ANKS1B: variants seen among roughly 807,000 people sequenced by gnomAD.
ANKS1B encodes the protein ankyrin repeat and sterile alpha motif domain containing 1B.
ANKS1B carries 36 observed loss-of-function variants against 148.3 expected under a neutral mutation model. The ratio of observed to expected loss-of-function variants is 0.24; its 90% confidence interval spans 0.19 to 0.32. The LOEUF is 0.32. Among genes scored for constraint, ANKS1B ranks in the 10% least tolerant of loss-of-function variants. The pLI, the probability that ANKS1B is intolerant of heterozygous loss-of-function variation, is 1.00. For missense variants in ANKS1B, 1,157 were observed against 1,542.6 expected (o/e 0.75, Z 4.19); for synonymous variants, 542 against 560.8 (o/e 0.97, Z 0.47).
At chr12:99,209,335 T>C (rs556944176) in intron 14 of ANKS1B, among the ~76,000 whole-genome samples, 1 of 152,316 alleles carries the variant, frequency 6.6e-6, no homozygotes, top group East Asian at 1.9e-4. Context: ...TTTGTAACAA[T>C]GAGGGTGACT....
intron 11 of ANKS1B, among the ~76,000 whole-genome samples, chr12:99,410,221 C>A (rs1189969550): frequency 6.6e-6 from 1 of 152,178 alleles, no homozygotes; most frequent in African/African-American, 2.4e-5. Context: ...GGAGACATAG[C>A]CATGTCCATT....
chr12:99,686,518 G>C (rs1330391938), intron 8 of ANKS1B, among the ~76,000 whole-genome samples: 1 of 152,086 alleles, frequency 6.6e-6, no homozygotes, highest in African/African-American at 2.4e-5. Context: ...TCCTGAATTG[G>C]TCTTTGTTCA....
At chr12:99,390,188 G>A (rs1407831119) in intron 12 of ANKS1B, among the ~76,000 whole-genome samples, 4 of 152,170 alleles carry the variant, frequency 2.6e-5, no homozygotes, top group African/African-American at 9.7e-5. Context: ...AGCATATGTT[G>A]TGTTTATGTA....
chr12:98,794,007 C>T (rs963321985), intron 22 of ANKS1B, among the ~76,000 whole-genome samples: 37 of 152,026 alleles, frequency 2.4e-4, no homozygotes, highest in African/African-American at 8.9e-4. Context: ...TTATTCATAC[C>T]AACATAACAA....
intron 19 of ANKS1B, among the ~76,000 whole-genome samples, chr12:98,817,605 T>C (rs1203220695): frequency 6.6e-6 from 1 of 152,216 alleles, no homozygotes; most frequent in Non-Finnish European, 1.5e-5. Context: ...CTCAGTCCTG[T>C]AACAACTGCA....
intron 15 of ANKS1B, among the ~76,000 whole-genome samples, chr12:99,133,521 A>C (rs540867433): frequency 6.6e-6 from 1 of 152,256 alleles, no homozygotes; most frequent in South Asian, 2.1e-4. Context: ...CAGCCACAAT[A>C]TTGTTGGCAT....
rs564479369 is a variant in ANKS1B, at chr12:99,590,791, T to C, written c.1272+64276A>G. On this transcript the variant is annotated intron_variant, in intron 9 of 26. Coordinates refer to ENST00000683438, the MANE Select transcript of ANKS1B (RefSeq NM_001352186.2). Reference sequence around the variant, plus strand: ...TTCCGAATAAGGGTTTGTAGGCAATTTCTTTTTCAAATTTACTTCAGTGAA... The same window carrying C: ...TTCCGAATAAGGGTTTGTAGGCAATCTCTTTTTCAAATTTACTTCAGTGAA... 8.5e-5 allele frequency among the ~76,000 whole-genome samples: 13 copies of C among 152,314 alleles called. No homozygotes were observed. The East Asian group carries it at 2.5e-3, about 29-fold the overall frequency.
intron 17 of ANKS1B, among the ~76,000 whole-genome samples, chr12:98,929,627 AG>A (rs956067565): frequency 2.0e-5 from 3 of 148,730 alleles, no homozygotes; most frequent in Non-Finnish European, 4.6e-5. Flanking sequence ...TATTTTCAGT[AG>A]TTCAGTAGCA....
At chr12:98,874,026 T>TAGA (rs1451370858) in intron 17 of ANKS1B, among the ~76,000 whole-genome samples, 3 of 152,126 alleles carry the variant, frequency 2.0e-5, no homozygotes, top group Non-Finnish European at 4.4e-5. Context: ...AAAGATGGCT[T>TAGA]CAGATAATGG....
At chr12:99,659,588 A>G (rs563306756) in intron 8 of ANKS1B, among the ~76,000 whole-genome samples, 1 of 152,252 alleles carries the variant, frequency 6.6e-6, no homozygotes, top group South Asian at 2.1e-4. Context: ...TAATTATATT[A>G]GTCTAACATT....
intron 15 of ANKS1B, among the ~76,000 whole-genome samples, chr12:99,100,237 T>G (rs2057530967): frequency 6.6e-6 from 1 of 152,172 alleles, no homozygotes; most frequent in Admixed American, 6.5e-5. Flanking sequence ...TCATTTCCAT[T>G]TTTAGTTTTA....
intron 25 of ANKS1B, among the ~76,000 whole-genome samples, chr12:98,760,563 A>G (rs952113174): frequency 2.0e-5 from 3 of 152,196 alleles, no homozygotes; most frequent in African/African-American, 7.2e-5. Flanking sequence ...ACTTTCCAGC[A>G]AAATCTGGAA....
chr12:98,916,028 C>G (rs553739875), intron 17 of ANKS1B, among the ~76,000 whole-genome samples: 1 of 152,290 alleles, frequency 6.6e-6, no homozygotes, highest in South Asian at 2.1e-4. Context: ...CTTAACGCTC[C>G]CACCACCATC....
intron 15 of ANKS1B, among the ~76,000 whole-genome samples, chr12:99,141,049 C>G (rs1324947484): frequency 6.6e-6 from 1 of 152,160 alleles, no homozygotes; most frequent in Admixed American, 6.5e-5. Flanking sequence ...TAGCAACCAA[C>G]TCTCCACTTG....
intron 12 of ANKS1B, among the ~76,000 whole-genome samples, chr12:99,344,485 A>G (rs2090381963): frequency 6.6e-6 from 1 of 152,084 alleles, no homozygotes; most frequent in African/African-American, 2.4e-5. Flanking sequence ...TGAAATGATA[A>G]ACACTGGGCC....
At chr12:99,858,219 G>T (rs1461943436) in intron 1 of ANKS1B, among the ~76,000 whole-genome samples, 1 of 152,050 alleles carries the variant, frequency 6.6e-6, no homozygotes, top group Non-Finnish European at 1.5e-5. Context: ...TCAAAAAGTG[G>T]GCTAAGGACA....
intron 1 of ANKS1B, among the ~76,000 whole-genome samples, chr12:99,934,579 T>C (rs1275649636): frequency 6.6e-6 from 1 of 152,156 alleles, no homozygotes; most frequent in Non-Finnish European, 1.5e-5. Flanking sequence ...TAGTCTCTAA[T>C]GATCTTTTGA....
At chr12:99,930,989 T>C (rs1446603523) in intron 1 of ANKS1B, among the ~76,000 whole-genome samples, 1 of 152,196 alleles carries the variant, frequency 6.6e-6, no homozygotes, top group African/African-American at 2.4e-5. Flanking sequence ...GTGGCACACA[T>C]ACACCATGGA....
chr12:99,538,603 CCTG>C (rs2097095644), intron 9 of ANKS1B, among the ~76,000 whole-genome samples: 1 of 152,196 alleles, frequency 6.6e-6, no homozygotes, highest in South Asian at 2.1e-4. Flanking sequence ...AATTTTGTAT[CCTG>C]CTACTTTACC....
Sources: allele counts gnomAD v4.1 joint callset (sites outside exome capture counted in the v4.1 genomes callset), GRCh38; gene constraint gnomAD v4.1.1; transcripts MANE v1.5; gene names NCBI Gene and HGNC (gene_info 2026-07-23, HGNC 2026-07-21).